Variants in SMAP1 observed in about 807,000 individuals in gnomAD.
The protein encoded by SMAP1 is stromal membrane-associated protein 1.
A neutral mutation model predicts 58.5 loss-of-function variants in SMAP1; 24 were observed. The observed-to-expected ratio is 0.41, with a 90% CI of 0.30 to 0.58. The LOEUF is 0.58. SMAP1 is among the 20% of genes least tolerant of loss of function. The probability of loss-of-function intolerance (pLI) is 0.29; values close to 1 mark genes in which losing one functional copy is unlikely to be tolerated. For synonymous variants in SMAP1, 216 were observed against 196.6 expected (o/e 1.10, Z -0.82); for missense variants, 563 against 566.3 (o/e 0.99, Z 0.06).
At chr6:70,724,288 C>T (rs2149850958) in intron 1 of SMAP1, among the ~76,000 whole-genome samples, 1 of 152,098 alleles carries the variant, frequency 6.6e-6, no homozygotes, top group East Asian at 1.9e-4. Context: ...CCTTTGCCTC[C>T]TGGGTTCAAG....
intron 4 of SMAP1, among the ~76,000 whole-genome samples, chr6:70,787,775 G>GCAAT (rs989878360): frequency 5.1e-4 from 77 of 151,832 alleles, no homozygotes; most frequent in African/African-American, 1.7e-3. Flanking sequence ...AGTTAGAATG[G>GCAAT]CAATCATTGA....
At chr6:70,856,741 T>C in intron 8 of SMAP1, 118 bp from the exon 9 acceptor site, 2 of 1,050,072 alleles carry the variant, frequency 1.9e-6, no homozygotes, top group Non-Finnish European at 2.7e-6. Flanking sequence ...GGCACCATTT[T>C]ACCTTCTACA....
intron 7 of SMAP1, among the ~76,000 whole-genome samples, chr6:70,838,160 A>G (rs899554178): frequency 6.6e-6 from 1 of 151,814 alleles, no homozygotes; most frequent in African/African-American, 2.4e-5. Context: ...TTATTAAAGT[A>G]AAAAAAAATC....
intron 2 of SMAP1, among the ~76,000 whole-genome samples, chr6:70,751,459 ATAGTT>A (rs1403521145): frequency 6.6e-6 from 1 of 152,178 alleles, no homozygotes; most frequent in African/African-American, 2.4e-5. Context: ...GAGATGAAGT[ATAGTT>A]TAATGAGTAA....
At chr6:70,746,926 A>G (rs563351496) in intron 2 of SMAP1, among the ~76,000 whole-genome samples, 3 of 152,316 alleles carry the variant, frequency 2.0e-5, no homozygotes, top group Admixed American at 2.0e-4. Context: ...TTATTTGGAG[A>G]TAGGGGCTTA....
At chr6:70,668,288 G>C in intron 1 of SMAP1, 147 bp downstream of exon 1, 3 of 840,252 alleles carry the variant, frequency 3.6e-6, no homozygotes, top group Non-Finnish European at 5.3e-6. Context: ...TGAGCGGGCG[G>C]GCGCGGGGCT....
At chr6:70,800,639 T>C (rs1378043372) in intron 6 of SMAP1, among the ~76,000 whole-genome samples, 1 of 152,116 alleles carries the variant, frequency 6.6e-6, no homozygotes, top group Non-Finnish European at 1.5e-5. Flanking sequence ...TTACATTAGG[T>C]ATATCTCCTA....
At chr6:70,704,189 T>G (rs556225541) in intron 1 of SMAP1, among the ~76,000 whole-genome samples, 2 of 152,362 alleles carry the variant, frequency 1.3e-5, no homozygotes, top group South Asian at 4.1e-4. Context: ...CATTTAAGTT[T>G]ATTTATAACA....
chr6:70,733,375 C>T (rs558099496), intron 2 of SMAP1, among the ~76,000 whole-genome samples: 14 of 152,226 alleles, frequency 9.2e-5, no homozygotes, highest in South Asian at 2.1e-4. Context: ...TTGAGCTTTT[C>T]GCTGGCTAGA....
chr6:70,686,822 T>TC (rs1436377329), intron 1 of SMAP1, among the ~76,000 whole-genome samples: 1 of 152,202 alleles, frequency 6.6e-6, no homozygotes, highest in African/African-American at 2.4e-5. Flanking sequence ...TCAAAAGTTG[T>TC]CATAAAACTA....
At chr6:70,825,530 G>A (rs1218251145) in intron 6 of SMAP1, among the ~76,000 whole-genome samples, 2 of 152,004 alleles carry the variant, frequency 1.3e-5, no homozygotes, top group African/African-American at 4.8e-5. Context: ...ACTCCTGTTG[G>A]GTTTACTGCT....
intron 6 of SMAP1, 50 bp from the exon 7 acceptor site, chr6:70,836,891 T>G: frequency 7.0e-7 from 1 of 1,424,378 alleles, no homozygotes; most frequent in Non-Finnish European, 9.4e-7. Context: ...CTTAAAATCT[T>G]GTTAAATTTA....
At chr6:70,800,307 G>C (rs763150363) in intron 6 of SMAP1, among the ~76,000 whole-genome samples, 1 of 151,850 alleles carries the variant, frequency 6.6e-6, no homozygotes, top group Non-Finnish European at 1.5e-5. Context: ...AAAAAATACA[G>C]AAGGGAATAA....
chr6:70,750,043 CTCT>C (rs1766211929), intron 2 of SMAP1, among the ~76,000 whole-genome samples: 1 of 151,962 alleles, frequency 6.6e-6, no homozygotes, highest in South Asian at 2.1e-4. Flanking sequence ...TTTATTTTGC[CTCT>C]TATTATATTT....
rs559768687 is a variant in SMAP1, at chr6:70,822,313, G to A, written c.577-14628G>A. Among the ~76,000 whole-genome samples, 10 of 152,174 alleles carry A rather than the reference G, an allele frequency of 6.6e-5. No individual in the cohort carries two copies. In the South Asian group the frequency reaches 8.3e-4, roughly 13 times the overall value. ...CTAAGCTCTTTAAATATATTATTTC[G>A]TAGTCCTCACAATAGTTATATCAGG... On this transcript the variant is annotated intron_variant, in intron 6 of 10. Coordinates refer to ENST00000370455, the MANE Select transcript of SMAP1 (RefSeq NM_001044305.3).
chr6:70,850,531 A>C (rs1771145726), intron 7 of SMAP1, among the ~76,000 whole-genome samples: 1 of 151,352 alleles, frequency 6.6e-6, no homozygotes, highest in East Asian at 1.9e-4. Flanking sequence ...AAACATTTAA[A>C]ATTTGTACAT....
intron 1 of SMAP1, among the ~76,000 whole-genome samples, chr6:70,675,498 A>C (rs1766445717): frequency 6.6e-6 from 1 of 151,930 alleles, no homozygotes; most frequent in South Asian, 2.1e-4. Flanking sequence ...TAAAAATACA[A>C]AAATTAGTTG....
intron 1 of SMAP1, among the ~76,000 whole-genome samples, chr6:70,727,963 T>A (rs150047582): frequency 6.6e-6 from 1 of 152,024 alleles, no homozygotes; most frequent in African/African-American, 2.4e-5. Flanking sequence ...CTTGTGAGGC[T>A]GAGGTGGGAG....
chr6:70,749,538 T>C (rs1766188416), intron 2 of SMAP1, among the ~76,000 whole-genome samples: 1 of 152,128 alleles, frequency 6.6e-6, no homozygotes, highest in Admixed American at 6.5e-5. Context: ...AATTGCAACT[T>C]AATTGTAACC....
Sources: allele counts gnomAD v4.1 joint callset (sites outside exome capture counted in the v4.1 genomes callset), GRCh38; gene constraint gnomAD v4.1.1; transcripts MANE v1.5; gene names NCBI Gene and HGNC (gene_info 2026-07-23, HGNC 2026-07-21).